Variants in EPHA6 observed in about 807,000 individuals in gnomAD.
EPHA6 encodes EPH receptor A6.
In EPHA6, 50 loss-of-function variants were observed where a neutral mutation model predicts 112.0. That is an observed-to-expected ratio of 0.45 (90% CI 0.36 to 0.56). EPHA6 has a LOEUF of 0.56. Ranked by LOEUF, EPHA6 falls within the 20% of genes least tolerant of loss-of-function variation. The pLI, the probability that EPHA6 is intolerant of heterozygous loss-of-function variation, is 0.00. For missense variants in EPHA6, 1,280 were observed against 1,417.4 expected (o/e 0.90, Z 1.56); for synonymous variants, 529 against 490.7 (o/e 1.08, Z -1.03).
At chr3:96,971,924 T>C (rs1477374246) in intron 2 of EPHA6, among the ~76,000 whole-genome samples, 1 of 152,144 alleles carries the variant, frequency 6.6e-6, no homozygotes, top group Non-Finnish European at 1.5e-5. Flanking sequence ...AATTAATTAT[T>C]GGCATATACT....
intron 14 of EPHA6, among the ~76,000 whole-genome samples, chr3:97,715,534 C>T (rs1452666219): frequency 6.6e-6 from 1 of 152,130 alleles, no homozygotes; most frequent in Admixed American, 6.5e-5. Flanking sequence ...AACCGTTCAC[C>T]TTCAAGATAA....
At chr3:97,225,471 ATATAT>A (rs1484182491) in intron 3 of EPHA6, among the ~76,000 whole-genome samples, 1 of 152,206 alleles carries the variant, frequency 6.6e-6, no homozygotes, top group Non-Finnish European at 1.5e-5. Flanking sequence ...AATGTTTCTC[ATATAT>A]TATTTATGTA....
chr3:96,962,917 T>C (rs2107756737), intron 2 of EPHA6, among the ~76,000 whole-genome samples: 1 of 151,708 alleles, frequency 6.6e-6, no homozygotes, highest in Non-Finnish European at 1.5e-5. Context: ...ACCTTGGGAG[T>C]CTGAGGCTTG....
At chr3:97,234,323 A>C (rs2078619062) in intron 4 of EPHA6, among the ~76,000 whole-genome samples, 1 of 152,112 alleles carries the variant, frequency 6.6e-6, no homozygotes, top group Non-Finnish European at 1.5e-5. Flanking sequence ...TATCAAAAAA[A>C]ATGCTCCCAG....
rs529416486 is a variant in EPHA6, at chr3:97,209,285, G to A, written c.1115-16979G>A. Reference sequence around the variant, plus strand: ...AGATAAATGTGGTAATTATTACCAGGAATGTCTCATGTCACACACACACAC... The same window carrying A: ...AGATAAATGTGGTAATTATTACCAGAAATGTCTCATGTCACACACACACAC... On this transcript the variant is annotated intron_variant, in intron 3 of 17. Coordinates refer to ENST00000389672, the MANE Select transcript of EPHA6 (RefSeq NM_001080448.3). 3.3e-5 allele frequency among the ~76,000 whole-genome samples: 5 copies of A among 152,100 alleles called. No homozygotes were observed. The South Asian group carries it at 8.3e-4, about 25-fold the overall frequency.
At chr3:97,067,449 T>G (rs528855744) in intron 3 of EPHA6, among the ~76,000 whole-genome samples, 1 of 152,104 alleles carries the variant, frequency 6.6e-6, no homozygotes, top group South Asian at 2.1e-4. Context: ...AAGCTAGACA[T>G]TTGGATCTGA....
rs1422988251 is a variant in EPHA6, at chr3:97,629,072, A to ATAGGT, written c.2575-8801_2575-8800insTAGGT. Among the ~76,000 whole-genome samples, 382 of 151,990 alleles carry ATAGGT rather than the reference A, an allele frequency of 2.5e-3. 3 individuals are homozygous for ATAGGT. Among genetic ancestry groups the ATAGGT allele is most frequent in the African/African-American group, 9.0e-3 (374 of 41,494 alleles). On this transcript the variant is annotated intron_variant, in intron 13 of 17. Coordinates refer to ENST00000389672, the MANE Select transcript of EPHA6 (RefSeq NM_001080448.3). ...CAGCCTCTTGAATAGCTGGGACCACAGGCATACACCACCGCGCTAGCTAAT... is the reference window on the plus strand; with the variant it reads ...CAGCCTCTTGAATAGCTGGGACCACATAGGTGGCATACACCACCGCGCTAGCTAAT...
intron 1 of EPHA6, among the ~76,000 whole-genome samples, chr3:96,844,508 T>C (rs1052625870): frequency 2.6e-5 from 4 of 152,028 alleles, no homozygotes; most frequent in Non-Finnish European, 5.9e-5. Flanking sequence ...ATAAAGGTCT[T>C]GCTGTATCTC....
chr3:97,189,573 T>C (rs113688172), intron 3 of EPHA6, among the ~76,000 whole-genome samples: 3,541 of 152,200 alleles, frequency 0.023, 71 homozygotes, highest in Non-Finnish European at 0.038. Context: ...GGGTTCTACT[T>C]TTATCTCTTT....
rs143808521 is a variant in EPHA6, at chr3:97,233,925, A to C, written c.1270+7506A>C. ...ATAGATAGGTATAGGAGGCAATCATATAAATGATAAGATTTTAAGGATGCT... is the reference window on the plus strand; with the variant it reads ...ATAGATAGGTATAGGAGGCAATCATCTAAATGATAAGATTTTAAGGATGCT... On this transcript the variant is annotated intron_variant, in intron 4 of 17. Coordinates refer to ENST00000389672, the MANE Select transcript of EPHA6 (RefSeq NM_001080448.3). Among the ~76,000 whole-genome samples, 973 of 152,316 alleles carry C rather than the reference A, an allele frequency of 6.4e-3. 12 individuals carry two copies. The highest frequency in any genetic ancestry group is 0.023 in the African/African-American group (937 of 41,582).
intron 3 of EPHA6, among the ~76,000 whole-genome samples, chr3:96,996,596 G>T (rs894631296): frequency 6.6e-6 from 1 of 152,064 alleles, no homozygotes; most frequent in Non-Finnish European, 1.5e-5. Context: ...GAGCTTTTAG[G>T]TGACCAGGTG....
chr3:97,070,937 C>A (rs2108158621), intron 3 of EPHA6, among the ~76,000 whole-genome samples: 1 of 152,146 alleles, frequency 6.6e-6, no homozygotes, highest in African/African-American at 2.4e-5. Flanking sequence ...TAACAAGGCC[C>A]TATAATGTTT....
In EPHA6 at chr3:97,760,014, C is replaced by T. The variant is rs2036119165; in HGVS notation, c.*11313C>T. ...TCTATTACAGATTAAAAGGCAGAAA[C>T]ATTTTGTAGCTAATCTGTTATAATG... On this transcript the variant is annotated 3_prime_UTR_variant, in exon 18 of 18. Coordinates refer to ENST00000389672, the MANE Select transcript of EPHA6 (RefSeq NM_001080448.3). 1 of 185,422 alleles carries T rather than the reference C, an allele frequency of 5.4e-6. No individual in the cohort carries two copies. Among genetic ancestry groups the T allele is most frequent in the African/African-American group, 2.3e-5 (1 of 42,560 alleles). 11.5% of individuals were successfully genotyped at this position (185,422 alleles called of 1,614,324 possible).
chr3:96,829,982 C>CACACACACACACACACAT (rs771678119), intron 1 of EPHA6, among the ~76,000 whole-genome samples: 5 of 148,154 alleles, frequency 3.4e-5, no homozygotes, highest in African/African-American at 1.0e-4. Context: ...CACACACACA[C>CACACACACACACACACAT]ACACACAGAA....
At chr3:96,965,580 T>C (rs778144018) in intron 2 of EPHA6, among the ~76,000 whole-genome samples, 9 of 152,162 alleles carry the variant, frequency 5.9e-5, no homozygotes, top group Non-Finnish European at 8.8e-5. Flanking sequence ...CTTACAGATA[T>C]TAATGCTGCA....
intron 2 of EPHA6, among the ~76,000 whole-genome samples, chr3:96,902,442 G>A (rs2038668782): frequency 6.6e-6 from 1 of 152,122 alleles, no homozygotes; most frequent in Non-Finnish European, 1.5e-5. Flanking sequence ...GGAAAGCAGT[G>A]ACCCAGAGCC....
chr3:97,584,556 A>G (rs984473337), intron 11 of EPHA6, among the ~76,000 whole-genome samples: 5 of 152,214 alleles, frequency 3.3e-5, no homozygotes, highest in African/African-American at 9.6e-5. Context: ...ATGAAATTGT[A>G]GACACACAAA....
Position 96,987,794 on chromosome 3 carries a change from T to C in EPHA6, c.915T>C (p.Val305=). 7 of 1,614,024 alleles carry C rather than the reference T, an allele frequency of 4.3e-6. No individual in the cohort carries two copies. Among genetic ancestry groups the C allele is most frequent in the Non-Finnish European group, 5.1e-6 (6 of 1,179,914 alleles). ...RVFYKKCPFT[V]RNLAMFPDTI... ...TCTACAAGAAATGCCCCTTCACTGT[T>C]CGTAACTTGGCCATGTTTCCTGATA... The change falls in exon 3 of 18, where the codon GTT becomes GTC. Residue 305 remains valine, a synonymous_variant. Coordinates refer to ENST00000389672, the MANE Select transcript of EPHA6 (RefSeq NM_001080448.3).
intron 3 of EPHA6, among the ~76,000 whole-genome samples, chr3:97,054,163 A>AAC (rs138411869): frequency 0.063 from 9,127 of 145,520 alleles, 295 homozygotes; most frequent in African/African-American, 0.078. Flanking sequence ...ATAACTATCT[A>AAC]ACACACACAC....
Sources: gnomAD v4.1 joint callset for allele counts (sites outside exome capture counted in the v4.1 genomes callset) on GRCh38, gnomAD v4.1.1 for gene constraint, MANE v1.5 for transcripts, NCBI Gene and HGNC (gene_info 2026-07-23, HGNC 2026-07-21) for gene names.